The following AGBL4 variants were observed in gnomAD, a reference collection of about 807,000 sequenced individuals.
AGBL4 encodes the protein AGBL carboxypeptidase 4.
In AGBL4, 58 loss-of-function variants were observed where a neutral mutation model predicts 66.4. The observed-to-expected ratio is 0.87, with a 90% confidence interval of 0.71 to 1.09. AGBL4 has a LOEUF of 1.09. Ranked by LOEUF, AGBL4 falls within the 50% of genes least tolerant of loss-of-function variation. The pLI is 0.00. For missense variants in AGBL4, 579 were observed against 631.0 expected (o/e 0.92, Z 0.88); for synonymous variants, 234 against 222.9 (o/e 1.05, Z -0.44).
intron 3 of AGBL4, among the ~76,000 whole-genome samples, chr1:49,620,617 T>C (rs1048194445): frequency 6.6e-6 from 1 of 152,068 alleles, no homozygotes; most frequent in African/African-American, 2.4e-5. Context: ...TGAATTATAT[T>C]ATGTATATAA....
intron 9 of AGBL4, among the ~76,000 whole-genome samples, chr1:48,598,534 T>C (rs1645029963): frequency 6.6e-6 from 1 of 151,932 alleles, no homozygotes; most frequent in Non-Finnish European, 1.5e-5. Context: ...CCCGGCACTT[T>C]AGGAGGCCAA....
At chr1:48,621,254 T>C (rs1038478038) in intron 9 of AGBL4, among the ~76,000 whole-genome samples, 1 of 152,150 alleles carries the variant, frequency 6.6e-6, no homozygotes, top group Non-Finnish European at 1.5e-5. Context: ...GAAAGAGAGA[T>C]AGAAGGATGG....
At chr1:49,634,516 A>G (rs558882322) in intron 3 of AGBL4, among the ~76,000 whole-genome samples, 2 of 152,210 alleles carry the variant, frequency 1.3e-5, no homozygotes, top group Non-Finnish European at 2.9e-5. Context: ...CAGTGTCGCA[A>G]TAAACATATG....
chr1:49,817,700 T>C (rs1645265565), intron 2 of AGBL4, among the ~76,000 whole-genome samples: 1 of 146,372 alleles, frequency 6.8e-6, no homozygotes, highest in Non-Finnish European at 1.5e-5. Flanking sequence ...ATTTTACTTA[T>C]AAGATTGCTT....
At chr1:49,773,934 T>C (rs1162486240) in intron 2 of AGBL4, among the ~76,000 whole-genome samples, 4 of 152,190 alleles carry the variant, frequency 2.6e-5, no homozygotes, top group African/African-American at 9.6e-5. Context: ...GCCTAGGTTC[T>C]AGACAGCTGG....
chr1:49,415,358 T>C (rs1349649234), intron 3 of AGBL4, among the ~76,000 whole-genome samples: 1 of 152,142 alleles, frequency 6.6e-6, no homozygotes, highest in East Asian at 1.9e-4. Flanking sequence ...GAATAAAAGA[T>C]GAAATAGTAA....
intron 3 of AGBL4, among the ~76,000 whole-genome samples, chr1:49,600,172 T>C (rs1225606893): frequency 6.6e-6 from 1 of 152,178 alleles, no homozygotes; most frequent in Non-Finnish European, 1.5e-5. Flanking sequence ...TCCCTGTTAA[T>C]ATTCTGACTC....
intron 1 of AGBL4, among the ~76,000 whole-genome samples, chr1:49,966,459 G>A (rs1340967362): frequency 6.6e-6 from 1 of 152,088 alleles, no homozygotes; most frequent in African/African-American, 2.4e-5. Flanking sequence ...TAACTATCCT[G>A]CTATTATTCC....
At chr1:49,745,926 A>G (rs1418548643) in intron 2 of AGBL4, among the ~76,000 whole-genome samples, 1 of 152,070 alleles carries the variant, frequency 6.6e-6, no homozygotes, top group Non-Finnish European at 1.5e-5. Context: ...ACAGGAGAAC[A>G]CACAATCAGT....
chr1:49,867,281 T>C lies in AGBL4; in HGVS notation c.35-15763A>G, dbSNP rs923340060. ...TTTCATGATTTCTATACATATTTCCTCTTTCCACTCTTACTATAACTTCCT... is the reference window on the plus strand; with the variant it reads ...TTTCATGATTTCTATACATATTTCCCCTTTCCACTCTTACTATAACTTCCT... On this transcript the variant is annotated intron_variant, in intron 1 of 13. Transcript: ENST00000371839. 2.7e-5 allele frequency among the ~76,000 whole-genome samples: 4 copies of C among 150,882 alleles called. No individual in the cohort carries two copies. In the East Asian group the frequency reaches 7.7e-4, roughly 29 times the overall value.
Position 48,897,858 on chromosome 1 carries a change from G to A in AGBL4, c.595-30628C>T, listed in dbSNP as rs113866728. ...CGGAGTCTCGCTCTGTCACCAGGCC[G>A]GAGTGCAGTGGCACGATCTCGGTTC... On this transcript the variant is annotated intron_variant, in intron 5 of 13. Transcript: ENST00000371839. 6.0e-3 allele frequency among the ~76,000 whole-genome samples: 864 copies of A among 144,042 alleles called. 14 individuals are homozygous for A. Among genetic ancestry groups the A allele is most frequent in the African/African-American group, 0.02 (802 of 39,148 alleles). 94.5% of individuals were successfully genotyped at this position (144,042 alleles called of 152,430 possible).
chr1:49,076,872 A>ACCTCTCCTCTTTT (rs1553150843), intron 4 of AGBL4, among the ~76,000 whole-genome samples: 1 of 151,834 alleles, frequency 6.6e-6, no homozygotes, highest in Non-Finnish European at 1.5e-5. Context: ...ACTAACAAAC[A>ACCTCTCCTCTTTT]CCTCTCCTCT....
intron 3 of AGBL4, among the ~76,000 whole-genome samples, chr1:49,376,392 G>A (rs1260792558): frequency 6.6e-6 from 1 of 151,950 alleles, no homozygotes; most frequent in Non-Finnish European, 1.5e-5. Flanking sequence ...AGCACTGGTG[G>A]GAGATTGGAG....
chr1:49,867,753 A>C (rs1646739897), intron 1 of AGBL4, among the ~76,000 whole-genome samples: 1 of 152,172 alleles, frequency 6.6e-6, no homozygotes, highest in African/African-American at 2.4e-5. Context: ...TACCATTACC[A>C]GCCACTACAA....
chr1:49,535,685 G>A (rs184180630), intron 3 of AGBL4, among the ~76,000 whole-genome samples: 383 of 151,874 alleles, frequency 2.5e-3, no homozygotes, highest in Non-Finnish European at 4.1e-3. Context: ...TAAACTTTTC[G>A]TTTGGTTTTT....
At chr1:48,546,120 A>G (rs1378031567) in intron 11 of AGBL4, among the ~76,000 whole-genome samples, 1 of 152,204 alleles carries the variant, frequency 6.6e-6, no homozygotes, top group Non-Finnish European at 1.5e-5. Flanking sequence ...TTACTCCGCA[A>G]TGCATACAGT....
rs182519835 is a variant in AGBL4 at position 50,010,503 on chromosome 1, C to T, written c.34+13260G>A. Reference sequence around the variant, plus strand: ...ACACACACACACACACACAACAGAGCCAAAGCTATCCTAAAGCAAAAAAAC... The same window carrying T: ...ACACACACACACACACACAACAGAGTCAAAGCTATCCTAAAGCAAAAAAAC... On this transcript the variant is annotated intron_variant, in intron 1 of 13. Transcript: ENST00000371839. Among the ~76,000 whole-genome samples the T allele has an allele frequency of 3.6e-5, 5 of 138,788 alleles. No individual in the cohort carries two copies. In the East Asian group the frequency reaches 1.2e-3, roughly 33 times the overall value. 91.1% of individuals were successfully genotyped at this position (138,788 alleles called of 152,430 possible).
chr1:49,888,993 T>A (rs1038030459), intron 1 of AGBL4, among the ~76,000 whole-genome samples: 4 of 152,184 alleles, frequency 2.6e-5, no homozygotes, highest in African/African-American at 9.7e-5. Context: ...TTGAGAAGAT[T>A]CAATCAATAT....
intron 6 of AGBL4, among the ~76,000 whole-genome samples, chr1:48,755,664 G>C (rs2148646367): frequency 6.6e-6 from 1 of 152,250 alleles, no homozygotes; most frequent in Middle Eastern, 3.4e-3. Context: ...TTATAGATCA[G>C]GATCTGTTAC....
Sources: gnomAD v4.1 joint callset for allele counts (sites outside exome capture counted in the v4.1 genomes callset) on GRCh38, gnomAD v4.1.1 for gene constraint, MANE v1.5 for transcripts, NCBI Gene and HGNC (gene_info 2026-07-23, HGNC 2026-07-21) for gene names.